Variants in FHIT observed in about 807,000 individuals in gnomAD.
FHIT encodes the protein fragile histidine triad diadenosine triphosphatase, also known as bis(5'-adenosyl)-triphosphatase.
FHIT carries 19 observed loss-of-function variants against 17.9 expected under a neutral mutation model. The observed-to-expected ratio is 1.06, with a 90% CI of 0.74 to 1.56. FHIT has a LOEUF of 1.56. Among genes scored for constraint, FHIT ranks in the 40% most tolerant of loss-of-function variants. FHIT has a pLI of 0.00. For missense variants in FHIT, 248 were observed against 189.2 expected, an observed-to-expected ratio of 1.31 and a Z score of -1.82; for synonymous variants, 81 against 69.7, an observed-to-expected ratio of 1.16 and a Z score of -0.81.
At chr3:60,773,022 G>A (rs1700097732) in intron 4 of FHIT, among the ~76,000 whole-genome samples, 1 of 152,116 alleles carries the variant, frequency 6.6e-6, no homozygotes, top group African/African-American at 2.4e-5. Flanking sequence ...CTATGAGATT[G>A]ATTTGAATAA....
intron 8 of FHIT, among the ~76,000 whole-genome samples, chr3:59,890,089 G>A (rs566272200): frequency 7.7e-4 from 117 of 152,250 alleles, no homozygotes; most frequent in African/African-American, 2.7e-3. Flanking sequence ...CACTGTCATA[G>A]GATATAGAGA....
intron 3 of FHIT, among the ~76,000 whole-genome samples, chr3:60,845,713 C>G (rs999848728): frequency 6.6e-6 from 1 of 152,118 alleles, no homozygotes; most frequent in African/African-American, 2.4e-5. Context: ...AACACACATA[C>G]CCCAGAAATA....
intron 4 of FHIT, among the ~76,000 whole-genome samples, chr3:60,548,040 TG>T (rs2036425894): frequency 6.6e-6 from 1 of 151,908 alleles, no homozygotes; most frequent in African/African-American, 2.4e-5. Context: ...TTTGAGTCAG[TG>T]GGCTGGGGAA....
At chr3:60,534,065 C>T (rs934800746) in intron 5 of FHIT, among the ~76,000 whole-genome samples, 16 of 152,200 alleles carry the variant, frequency 1.1e-4, no homozygotes, top group Admixed American at 8.5e-4. Context: ...GAGCTATCCA[C>T]ATCTTCCATT....
chr3:60,343,458 A>G (rs184121357), intron 5 of FHIT, among the ~76,000 whole-genome samples: 15 of 152,232 alleles, frequency 9.9e-5, no homozygotes, highest in African/African-American at 3.1e-4. Flanking sequence ...GTTTGATTAG[A>G]TTTTTACCTG....
chr3:61,023,182 A>G (rs188678650), intron 3 of FHIT, among the ~76,000 whole-genome samples: 2 of 152,238 alleles, frequency 1.3e-5, no homozygotes, highest in Admixed American at 1.3e-4. Context: ...AATCACAAGC[A>G]TTCCTACACA....
intron 5 of FHIT, among the ~76,000 whole-genome samples, chr3:60,389,060 T>C (rs1270085442): frequency 6.6e-6 from 1 of 152,206 alleles, no homozygotes; most frequent in South Asian, 2.1e-4. Flanking sequence ...TGTACTGGAA[T>C]GGCATCTTCC....
intron 3 of FHIT, among the ~76,000 whole-genome samples, chr3:61,018,779 CTTGT>C (rs2032252247): frequency 6.6e-6 from 1 of 151,990 alleles, no homozygotes; most frequent in African/African-American, 2.4e-5. Flanking sequence ...AATTTTTGTT[CTTGT>C]TTTAGTTTTG....
chr3:60,396,521 C>T (rs988307752), intron 5 of FHIT, among the ~76,000 whole-genome samples: 2 of 151,906 alleles, frequency 1.3e-5, no homozygotes, highest in African/African-American at 4.8e-5. Context: ...ATCATAGTGG[C>T]TAAGTGAAAG....
chr3:60,372,591 G>C (rs1042536801), intron 5 of FHIT, among the ~76,000 whole-genome samples: 1 of 152,140 alleles, frequency 6.6e-6, no homozygotes. Context: ...AGTTCGGGCC[G>C]ATCTACTTCA....
intron 5 of FHIT, among the ~76,000 whole-genome samples, chr3:60,435,723 G>T (rs2030164259): frequency 6.6e-6 from 1 of 151,996 alleles, no homozygotes; most frequent in Non-Finnish European, 1.5e-5. Context: ...TGTGTCATGG[G>T]GGTTTGTTGT....
chr3:61,166,272 C>T (rs938432495), intron 2 of FHIT, among the ~76,000 whole-genome samples: 4 of 152,172 alleles, frequency 2.6e-5, no homozygotes, highest in African/African-American at 9.7e-5. Context: ...TGGACTTGCC[C>T]AAAGTCACAT....
At chr3:60,374,549 CAGATTTTTTATATGCTA>C (rs1700465476) in intron 5 of FHIT, among the ~76,000 whole-genome samples, 1 of 150,554 alleles carries the variant, frequency 6.6e-6, no homozygotes, top group African/African-American at 2.4e-5. Flanking sequence ...TCTTCCACCC[CAGATTTTTTATATGCTA>C]AGAAAATGAA....
chr3:59,875,217 T>G (rs1327356133), intron 8 of FHIT, among the ~76,000 whole-genome samples: 1 of 152,198 alleles, frequency 6.6e-6, no homozygotes, highest in African/African-American at 2.4e-5. Context: ...TTTGAATGCT[T>G]CTTTTGTCAC....
At chr3:60,108,729 C>T (rs903855846) in intron 5 of FHIT, among the ~76,000 whole-genome samples, 4 of 151,238 alleles carry the variant, frequency 2.6e-5, no homozygotes, top group African/African-American at 9.7e-5. Context: ...AATGGCTTGA[C>T]CTCAGCTCAC....
intron 4 of FHIT, among the ~76,000 whole-genome samples, chr3:60,653,058 A>C (rs1423674095): frequency 6.6e-6 from 1 of 152,174 alleles, no homozygotes; most frequent in Non-Finnish European, 1.5e-5. Flanking sequence ...TTAAAAATAG[A>C]CCGCAACAAT....
In FHIT at chr3:59,990,646, A is replaced by G. The variant is rs900313762; in HGVS notation, c.279+20725T>C. Among the ~76,000 whole-genome samples the G allele has an allele frequency of 4.6e-5, 7 of 152,036 alleles. No homozygotes were observed. The South Asian group carries it at 6.2e-4, about 14-fold the overall frequency. ...CTAGTATTCTGTGAAGAAATAATTAATAATAATCCACACCAGCCAAAAGTA... is the reference window on the plus strand; with the variant it reads ...CTAGTATTCTGTGAAGAAATAATTAGTAATAATCCACACCAGCCAAAAGTA... On this transcript the variant is annotated intron_variant, in intron 7 of 9. Coordinates refer to ENST00000492590, the MANE Select transcript of FHIT (RefSeq NM_002012.4).
intron 5 of FHIT, among the ~76,000 whole-genome samples, chr3:60,031,602 A>C (rs982876420): frequency 6.6e-6 from 1 of 152,234 alleles, no homozygotes; most frequent in African/African-American, 2.4e-5. Context: ...TGCATTTCAG[A>C]GTAACCAAAC....
At chr3:60,949,298 T>C (rs17684830) in intron 3 of FHIT, among the ~76,000 whole-genome samples, 19,334 of 152,214 alleles carry the variant, frequency 0.13, 1,635 homozygotes, top group Middle Eastern at 0.23. Flanking sequence ...CTTTGCAATC[T>C]CTGCTTTTAG....
Sources: gnomAD v4.1 joint callset for allele counts (sites outside exome capture counted in the v4.1 genomes callset) on GRCh38, gnomAD v4.1.1 for gene constraint, MANE v1.5 for transcripts, NCBI Gene and HGNC (gene_info 2026-07-23, HGNC 2026-07-21) for gene names.